TTC39B: variants seen among roughly 807,000 people sequenced by gnomAD.
TTC39B encodes tetratricopeptide repeat protein 39B.
In TTC39B, 92 loss-of-function variants were observed where a neutral mutation model predicts 96.6. The observed-to-expected ratio is 0.95, with a 90% CI of 0.80 to 1.13. The LOEUF is 1.13. Among genes scored for constraint, TTC39B ranks in the 50% most tolerant of loss-of-function variants. The probability of loss-of-function intolerance (pLI) is 0.00; values close to 1 mark genes in which losing one functional copy is unlikely to be tolerated. For synonymous variants in TTC39B, 367 were observed against 299.4 expected, an observed-to-expected ratio of 1.23 and a Z score of -2.33; for missense variants, 955 against 809.3, an observed-to-expected ratio of 1.18 and a Z score of -2.18.
Position 15,251,700 on chromosome 9 carries a change from CATATATATATATATATAT to C in TTC39B, c.275+16196_275+16213del, listed in dbSNP as rs57422881. On this transcript the variant is annotated intron_variant, in intron 2 of 19. Transcript: ENST00000512701. The stretch of plus-strand genomic sequence containing the variant: ...ACACACACACACACACATACATATA[CATATATATATATATATAT>C]ATATATATATATATATATGTAGTAT... Among the ~76,000 whole-genome samples, 856 of 98,372 alleles carry C rather than the reference CATATATATATATATATAT, an allele frequency of 8.7e-3. 13 individuals carry two copies. Among genetic ancestry groups the C allele is most frequent in the African/African-American group, 0.025 (787 of 32,114 alleles). The allele number at this position is 98,372 out of a possible 152,430, so 64.5% of individuals were successfully genotyped here.
At chr9:15,210,092 A>G (rs756823529) in exon 6 of TTC39B, 15 of 1,597,672 alleles carry the variant, frequency 9.4e-6, no homozygotes, top group South Asian at 3.4e-5. Flanking sequence ...TTTTACCTTC[A>G]CTCAGTTGCT....
intron 2 of TTC39B, among the ~76,000 whole-genome samples, chr9:15,265,119 G>A (rs544901421): frequency 6.6e-6 from 1 of 152,304 alleles, no homozygotes; most frequent in Admixed American, 6.5e-5. Context: ...GCTGGTGTGA[G>A]ATAGGAATCT....
intron 1 of TTC39B, among the ~76,000 whole-genome samples, chr9:15,293,410 C>A (rs1057401982): frequency 2.6e-5 from 4 of 152,052 alleles, no homozygotes; most frequent in African/African-American, 9.7e-5. Flanking sequence ...TGAAATGATT[C>A]AAAAGAATTG....
chr9:15,238,635 A>G (rs914252857), intron 2 of TTC39B, among the ~76,000 whole-genome samples: 2 of 152,206 alleles, frequency 1.3e-5, no homozygotes, highest in African/African-American at 2.4e-5. Context: ...CACAGATCAT[A>G]CAAACAAATG....
At position 15,187,742 on chromosome 9, in the gene TTC39B, G is replaced by A. The variant is rs528869267; in HGVS notation, c.1395+229C>T. Among the ~76,000 whole-genome samples, 147 of 152,366 alleles carry A rather than the reference G, an allele frequency of 9.6e-4. 1 individual carries two copies. Among genetic ancestry groups the A allele is most frequent in the African/African-American group, 3.4e-3 (142 of 41,590 alleles). ...CCCAAAGGGCTGGGATTACAGGCAT[G>A]GGCCATCGCATTTGGCCCTGAAAAG... is the stretch of plus-strand genomic sequence containing the variant. On this transcript the variant is annotated intron_variant, in intron 14 of 19. Transcript: ENST00000512701.
At chr9:15,279,673 C>G (rs1823679841) in intron 1 of TTC39B, among the ~76,000 whole-genome samples, 1 of 152,074 alleles carries the variant, frequency 6.6e-6, no homozygotes, top group Non-Finnish European at 1.5e-5. Context: ...TAAAGGTACT[C>G]GTGAGTGGCA....
chr9:15,189,603 T>C lies in TTC39B; in HGVS notation c.1204A>G (p.Ile402Val), dbSNP rs375535482. 1.2e-5 allele frequency: 20 copies of C among 1,614,028 alleles called. No homozygotes were observed. Among genetic ancestry groups the C allele is most frequent in the Admixed American group, 3.3e-5 (2 of 59,998 alleles). The change falls in exon 13 of 20, where the codon ATA becomes GTA. Residue 402 changes from isoleucine to valine, a missense_variant. By Grantham distance (29) the Ile-to-Val change is conservative. Coordinates refer to ENST00000512701, the Ensembl canonical transcript of TTC39B. ...TCAAGATTCCCTTTCAGCAACTCTA[T>C]TCGGGCATGATAAAACAACACGAGT... is the stretch of plus-strand genomic sequence containing the variant.
chr9:15,167,611 G>A (rs1249992631), exon 20 of TTC39B: 2 of 152,246 alleles, frequency 1.3e-5, no homozygotes, highest in African/African-American at 4.8e-5. Flanking sequence ...AATTAGCTGG[G>A]CATGGTGGCA....
chr9:15,207,896 A>T (rs1819961653), intron 6 of TTC39B, among the ~76,000 whole-genome samples: 4 of 145,196 alleles, frequency 2.8e-5, no homozygotes, highest in Admixed American at 1.4e-4. Context: ...AGGCAGAAGA[A>T]TGGTGTGAAC....
chr9:15,282,500 G>A (rs1823804388), intron 1 of TTC39B, among the ~76,000 whole-genome samples: 1 of 152,168 alleles, frequency 6.6e-6, no homozygotes, highest in Non-Finnish European at 1.5e-5. Context: ...TGGGTTTACT[G>A]CATGTAAGTT....
At chr9:15,210,200 G>C (rs369311068) in intron 5 of TTC39B, 36 bp from the exon 6 acceptor site, 12 of 1,301,478 alleles carry the variant, frequency 9.2e-6, no homozygotes, top group Admixed American at 4.7e-5. Context: ...ATAGAAAATA[G>C]AAAAAAAAAA....
chr9:15,301,193 A>G (rs1009293040), intron 1 of TTC39B, among the ~76,000 whole-genome samples: 24 of 152,216 alleles, frequency 1.6e-4, no homozygotes, highest in South Asian at 1.0e-3. Context: ...AGGGAAGCCA[A>G]TCATCCCTGT....
intron 3 of TTC39B, among the ~76,000 whole-genome samples, 179 bp from the exon 4 acceptor site, chr9:15,214,428 G>A (rs1003661831): frequency 6.6e-6 from 1 of 151,736 alleles, no homozygotes; most frequent in African/African-American, 2.4e-5. Context: ...AAAAAAATGT[G>A]CTTCATTGGA....
chr9:15,285,612 CG>C (rs1209660122), intron 1 of TTC39B, among the ~76,000 whole-genome samples: 17 of 152,050 alleles, frequency 1.1e-4, no homozygotes, highest in Admixed American at 5.2e-4. Flanking sequence ...CCCTGCACTT[CG>C]GGAGGCCGAG....
intron 2 of TTC39B, among the ~76,000 whole-genome samples, chr9:15,234,114 GC>G: frequency 6.7e-6 from 1 of 149,500 alleles, no homozygotes; most frequent in East Asian, 2.1e-4. Context: ...GAGTGTCTCT[GC>G]CCGGCCGCCC....
chr9:15,213,464 A>G (rs775317732), intron 4 of TTC39B, among the ~76,000 whole-genome samples: 2 of 152,232 alleles, frequency 1.3e-5, no homozygotes, highest in Non-Finnish European at 2.9e-5. Flanking sequence ...TAAGATTCAC[A>G]TGACCAGAGT....
chr9:15,191,182 A>G lies in TTC39B; in HGVS notation c.996+8T>C, dbSNP rs769957459. On this transcript the variant is annotated splice_region_variant and intron_variant, in intron 10 of 19. Transcript: ENST00000512701. ...CCTGTCAAAATTAACATAAAATTAA[A>G]TTTGTACCCTATTCCCAGAAAATCC... 6.3e-7 allele frequency: 1 copy of G among 1,584,640 alleles called. No individual in the cohort carries two copies. The highest frequency in any genetic ancestry group is 1.7e-5 in the Admixed American group (1 of 59,030).
chr9:15,232,584 CAAT>C (rs1459095595), intron 2 of TTC39B: 1 of 152,136 alleles, frequency 6.6e-6, no homozygotes, highest in Non-Finnish European at 1.5e-5. Flanking sequence ...CAAGCAAGCT[CAAT>C]GAGATCCAAG....
At chr9:15,232,098 C>G (rs1821455896) in intron 2 of TTC39B, 1 of 153,140 alleles carries the variant, frequency 6.5e-6, no homozygotes, top group African/African-American at 2.4e-5. Context: ...ACAAGAACCT[C>G]AAGGCACCAG....
Sources: allele counts gnomAD v4.1 joint callset (sites outside exome capture counted in the v4.1 genomes callset), GRCh38; gene constraint gnomAD v4.1.1; transcripts MANE v1.5; gene names NCBI Gene and HGNC (gene_info 2026-07-23, HGNC 2026-07-21).